Variants in AFM observed in about 807,000 individuals in gnomAD.
AFM encodes alpha-Alb.
In AFM, 82 loss-of-function variants were observed where a neutral mutation model predicts 68.7. The ratio of observed to expected loss-of-function variants is 1.19; its 90% confidence interval spans 1.00 to 1.43. The LOEUF is 1.43. AFM is among the 40% of genes most tolerant of loss of function. The pLI, the probability that AFM is intolerant of heterozygous loss-of-function variation, is 0.00. For missense variants in AFM, 772 were observed against 701.8 expected (o/e 1.10, Z -1.13); for synonymous variants, 250 against 234.2 (o/e 1.07, Z -0.61).
intron 7 of AFM, among the ~76,000 whole-genome samples, chr4:73,488,988 A>T (rs983783931): frequency 2.0e-5 from 3 of 152,198 alleles, no homozygotes; most frequent in African/African-American, 7.2e-5. Flanking sequence ...TTATATGGCT[A>T]AATGTCTTGA....
intron 13 of AFM, 131 bp downstream of exon 13, chr4:73,502,050 A>G: frequency 2.0e-6 from 2 of 984,088 alleles, no homozygotes; most frequent in Non-Finnish European, 2.9e-6. Context: ...CAATTGCTAC[A>G]CAACTAATAT....
rs1264944025 is a variant in AFM at position 73,487,832 on chromosome 4, T to C, written c.713+11T>C. The C allele has an allele frequency of 3.4e-5, 52 of 1,529,326 alleles. No individual in the cohort carries two copies. Among genetic ancestry groups the C allele is most frequent in the Non-Finnish European group, 4.5e-5 (50 of 1,104,080 alleles). 94.7% of individuals were successfully genotyped at this position (1,529,326 alleles called of 1,614,324 possible). A position where few individuals can be genotyped will look rare whatever the true frequency, so the allele number is the denominator to read the frequency against. On this transcript the variant is annotated intron_variant, in intron 6 of 14. Coordinates refer to ENST00000226355, the MANE Select transcript of AFM (RefSeq NM_001133.2). ...AGTTGTACACTTTATGTGAGTTTTA[T>C]ACTATATGTCTTGTCTCTGCTTGCA...
chr4:73,501,983 A>G, intron 13 of AFM, 64 bp downstream of exon 13: 2 of 1,548,966 alleles, frequency 1.3e-6, no homozygotes, highest in Non-Finnish European at 1.8e-6. Flanking sequence ...ATAAAACAGA[A>G]CCCTGCAGGA....
chr4:73,486,029 G>A lies in AFM; in HGVS notation c.438G>A (p.Glu146=), dbSNP rs766250076. 2.5e-6 allele frequency: 4 copies of A among 1,613,954 alleles called. No homozygotes were observed. The highest frequency in any genetic ancestry group is 1.7e-5 in the Admixed American group (1 of 59,980). The change falls in exon 4 of 15, where the codon GAG becomes GAA. Residue 146 remains glutamate, a synonymous_variant. Transcript: ENST00000226355. ...LPPFPTLDPE[E]KCQAYESNRE... The stretch of plus-strand genomic sequence containing the variant: ...CTTTCCCTACCCTGGATCCCGAAGA[G>A]AAATGCCAGGCTTATGAAAGTAACA...
At chr4:73,501,556 C>A (rs1342111304) in intron 12 of AFM, among the ~76,000 whole-genome samples, 5 of 152,032 alleles carry the variant, frequency 3.3e-5, no homozygotes, top group Admixed American at 2.0e-4. Flanking sequence ...CTTGTTAATA[C>A]TTTTTGTATA....
Position 73,483,967 on chromosome 4 carries a change from A to G in AFM, c.115A>G (p.Ile39Val), listed in dbSNP as rs1167293581. ...GAACTTCAATAGTACTCAAAAATTT[A>G]TAGAAGATAATATTGAATACATGTG... ...IENFNSTQKFIEDNIEYITII... is the reference protein window; with the variant it reads ...IENFNSTQKFVEDNIEYITII... The change falls in exon 2 of 15, where the codon ATA becomes GTA. Residue 39 changes from isoleucine to valine, a missense_variant. Ile to Val is a conservative substitution (Grantham distance 29). Transcript: ENST00000226355. 2.5e-5 allele frequency: 38 copies of G among 1,528,798 alleles called. No homozygotes were observed. Among genetic ancestry groups the G allele is most frequent in the Non-Finnish European group, 3.2e-5 (36 of 1,116,524 alleles). The allele number at this position is 1,528,798 out of a possible 1,614,324, so 94.7% of individuals were successfully genotyped here. A position where few individuals can be genotyped will look rare whatever the true frequency, so the allele number is the denominator to read the frequency against.
intron 6 of AFM, 58 bp from the exon 7 acceptor site, chr4:73,488,572 C>T (rs563632780): frequency 1.4e-5 from 21 of 1,489,224 alleles, no homozygotes; most frequent in Middle Eastern, 3.7e-4. Flanking sequence ...GCAAATTACT[C>T]CCACTTGTTC....
chr4:73,492,608 A>T (rs1721104299), intron 8 of AFM, among the ~76,000 whole-genome samples: 1 of 149,496 alleles, frequency 6.7e-6, no homozygotes. Context: ...TGCTGGGACA[A>T]GTTAACCTTT....
intron 12 of AFM, among the ~76,000 whole-genome samples, chr4:73,501,126 T>C (rs1721411299): frequency 6.6e-6 from 1 of 152,176 alleles, no homozygotes; most frequent in African/African-American, 2.4e-5. Context: ...AGTTTGGAAT[T>C]CTATAAGTTA....
chr4:73,496,446 A>G (rs1014094313), intron 9 of AFM, among the ~76,000 whole-genome samples: 2 of 152,216 alleles, frequency 1.3e-5, no homozygotes, highest in Admixed American at 6.5e-5. Flanking sequence ...CTTAGGATGG[A>G]TTATCAGAAG....
In AFM at chr4:73,487,833, A is replaced by G. The variant is rs1577974358; in HGVS notation, c.713+12A>G. On this transcript the variant is annotated intron_variant, in intron 6 of 14. Transcript: ENST00000226355. ...GTTGTACACTTTATGTGAGTTTTAT[A>G]CTATATGTCTTGTCTCTGCTTGCAT... is the stretch of plus-strand genomic sequence containing the variant. 1.3e-6 allele frequency: 2 copies of G among 1,522,390 alleles called. No individual in the cohort carries two copies. The highest frequency in any genetic ancestry group is 3.4e-4 in the Middle Eastern group (2 of 5,908). 94.3% of individuals were successfully genotyped at this position (1,522,390 alleles called of 1,614,324 possible).
chr4:73,496,511 T>C (rs543316784), intron 9 of AFM, among the ~76,000 whole-genome samples: 1 of 152,306 alleles, frequency 6.6e-6, no homozygotes, highest in South Asian at 2.1e-4. Flanking sequence ...CACAAATTGT[T>C]GAATTACTGT....
chr4:73,484,292 G>A lies in AFM; in HGVS notation c.172G>A (p.Ala58Thr). 6.2e-7 allele frequency: 1 copy of A among 1,613,362 alleles called. No individual in the cohort carries two copies. The highest frequency in any genetic ancestry group is 1.1e-5 in the South Asian group (1 of 90,970). ...IIAFAQYVQE[A>T]TFEEMEKLVK... ...TGCATTTGCTCAGTATGTTCAGGAA[G>A]CAACCTTTGAAGAAATGGAAAAGCT... The change falls in exon 3 of 15, where the codon GCA becomes ACA. Residue 58 changes from alanine (A) to threonine (T), a missense_variant. Physicochemically the swap from Ala to Thr is moderately conservative, Grantham distance 58 (BLOSUM62 0). Coordinates refer to ENST00000226355, the MANE Select transcript of AFM (RefSeq NM_001133.2).
At position 73,501,874 on chromosome 4, in the gene AFM, T is replaced by C. The variant is rs1406322546; in HGVS notation, c.1734T>C (p.Asp578=). The C allele has an allele frequency of 6.2e-7, 1 of 1,613,474 alleles. No homozygotes were observed. The highest frequency in any genetic ancestry group is 8.5e-7 in the Non-Finnish European group (1 of 1,179,684). ...TTACAAATTTCGCAAATGTAGTGGA[T>C]AAGTGCTGCAAAGCAGAGAGTCCTG... ...SLFTNFANVV[D]KCCKAESPEV... The change falls in exon 13 of 15, where the codon GAT becomes GAC. Residue 578 remains aspartate, a synonymous_variant. Coordinates refer to ENST00000226355, the MANE Select transcript of AFM (RefSeq NM_001133.2).
chr4:73,482,636 C>A (rs1370370770), intron 1 of AFM, among the ~76,000 whole-genome samples: 2 of 152,268 alleles, frequency 1.3e-5, no homozygotes, highest in East Asian at 3.9e-4. Flanking sequence ...TGATTTTTTG[C>A]CTCTTTAATA....
chr4:73,497,829 G>C, intron 10 of AFM, 80 bp downstream of exon 10: 1 of 931,688 alleles, frequency 1.1e-6, no homozygotes, highest in Non-Finnish European at 1.6e-6. Context: ...AAAGTTAGCT[G>C]TCAAGTTTTT....
chr4:73,497,770 G>T (rs1469311858), intron 10 of AFM, 21 bp downstream of exon 10: 5 of 1,424,804 alleles, frequency 3.5e-6, no homozygotes, highest in African/African-American at 1.4e-5. Flanking sequence ...TGCACAAGTG[G>T]GCTAACACTT....
Position 73,488,734 on chromosome 4 carries a change from A to T in AFM, c.818A>T (p.Asp273Val). ...SSNYDGCCEG[D>V]VVQCIRDTSK... ...AACTATGATGGATGCTGTGAAGGGG[A>T]TGTTGTGCAGTGCATCCGTGACACG... The change falls in exon 7 of 15, where the codon GAT becomes GTT. Residue 273 changes from aspartate (D) to valine (V), a missense_variant. Transcript: ENST00000226355. The T allele has an allele frequency of 6.2e-7, 1 of 1,612,800 alleles. No individual in the cohort carries two copies. The highest frequency in any genetic ancestry group is 8.5e-7 in the Non-Finnish European group (1 of 1,179,458).
At position 73,499,185 on chromosome 4, in the gene AFM, T is replaced by C. The variant is rs922215605; in HGVS notation, c.1361T>C (p.Met454Thr). ...GAACTGGTGTCTCTTGGCGAGAAAA[T>C]GGTGACAGCTTTCACTACTTGCTGT... is the stretch of plus-strand genomic sequence containing the variant. ...TEELVSLGEK[M>T]VTAFTTCCTL... Residue 454 changes from methionine to threonine, a missense_variant, in exon 11 of 15, where the codon ATG (methionine) becomes ACG (threonine). Coordinates refer to ENST00000226355, the MANE Select transcript of AFM (RefSeq NM_001133.2). The C allele has an allele frequency of 6.2e-7, 1 of 1,612,968 alleles. No individual in the cohort carries two copies. Among genetic ancestry groups the C allele is most frequent in the Non-Finnish European group, 8.5e-7 (1 of 1,179,536 alleles).
Sources: allele counts gnomAD v4.1 joint callset (sites outside exome capture counted in the v4.1 genomes callset), GRCh38; gene constraint gnomAD v4.1.1; transcripts MANE v1.5; gene names NCBI Gene and HGNC (gene_info 2026-07-23, HGNC 2026-07-21).